SPRED2: variants seen among roughly 807,000 people sequenced by gnomAD.
SPRED2 encodes sprouty-related, EVH1 domain-containing protein 2.
Under a neutral mutation model 43.0 loss-of-function variants are expected in SPRED2, and 47 were observed. The ratio of observed to expected loss-of-function variants is 1.09; its 90% CI spans 0.87 to 1.40. SPRED2 has a LOEUF of 1.40. SPRED2 is among the 40% of genes most tolerant of loss of function. The probability of loss-of-function intolerance (pLI) is 0.00; values close to 1 mark genes in which losing one functional copy is unlikely to be tolerated. For missense variants in SPRED2, 561 were observed against 586.4 expected, an observed-to-expected ratio of 0.96 and a Z score of 0.45; for synonymous variants, 225 against 225.7, an observed-to-expected ratio of 1.00 and a Z score of 0.03.
chr2:65,312,076 C>T lies in SPRED2; in HGVS notation c.*1425G>A. The T allele has an allele frequency of 1.0e-6, 1 of 985,436 alleles. No homozygotes were observed. The highest frequency in any genetic ancestry group is 1.2e-6 in the Non-Finnish European group (1 of 829,934). 61.0% of individuals were successfully genotyped at this position (985,436 alleles called of 1,614,324 possible). A position where few individuals can be genotyped will look rare whatever the true frequency, so the allele number is the denominator to read the frequency against. ...ACTATGCTAGGTATAGGTAACCACT[C>T]TTCACTTTTCTTCTTTCTTCAATAA... is the stretch of plus-strand genomic sequence containing the variant. On this transcript the variant is annotated 3_prime_UTR_variant, in exon 6 of 6. Coordinates refer to ENST00000356388, the MANE Select transcript of SPRED2 (RefSeq NM_181784.3).
chr2:65,366,503 TA>T (rs1463374577), intron 1 of SPRED2: 7 of 1,419,142 alleles, frequency 4.9e-6, no homozygotes, highest in Non-Finnish European at 6.8e-6. Flanking sequence ...TTTTCTCCTT[TA>T]AAAAAATGCT....
intron 1 of SPRED2, among the ~76,000 whole-genome samples, chr2:65,365,954 C>T (rs2104328501): frequency 6.6e-6 from 1 of 152,072 alleles, no homozygotes; most frequent in Admixed American, 6.6e-5. Context: ...ATGTTGCTAC[C>T]AAATCCCCAC....
rs535386043 is a variant in SPRED2 at position 65,366,629 on chromosome 2, A to C, written c.27-21733T>G. 14 of 1,552,768 alleles carry C rather than the reference A, an allele frequency of 9.0e-6. No individual in the cohort carries two copies. The Admixed American group carries it at 1.6e-4, about 17-fold the overall frequency. ...CATTTCCTCTACATTGTGGAGCCCG[A>C]GTGCTGGGTATTAGCATTATTGCTA... On this transcript the variant is annotated intron_variant, in intron 1 of 5. Coordinates refer to ENST00000356388, the MANE Select transcript of SPRED2 (RefSeq NM_181784.3).
chr2:65,431,842 C>T (rs1676703769), intron 1 of SPRED2, 120 bp downstream of exon 1: 2 of 1,233,330 alleles, frequency 1.6e-6, no homozygotes, highest in African/African-American at 3.0e-5. Context: ...GCCGAAAGGT[C>T]AGCGAGTCGC....
chr2:65,393,258 C>G (rs563475741), intron 1 of SPRED2, among the ~76,000 whole-genome samples: 3 of 152,144 alleles, frequency 2.0e-5, no homozygotes, highest in Non-Finnish European at 2.9e-5. Flanking sequence ...GCCTCTACTC[C>G]CTTCCCCAAA....
At chr2:65,397,925 A>G (rs139371359) in intron 1 of SPRED2, among the ~76,000 whole-genome samples, 1 of 152,374 alleles carries the variant, frequency 6.6e-6, no homozygotes, top group African/African-American at 2.4e-5. Context: ...GAGCCTGCAT[A>G]GCCTAAGCAA....
Position 65,311,221 on chromosome 2 carries a change from A to G in SPRED2, c.*2280T>C. ...GTCAGTATGGCAAAGCTGACTGGGA[A>G]AATACTACACACTGTTCAGCTGCAG... On this transcript the variant is annotated 3_prime_UTR_variant, in exon 6 of 6. Transcript: ENST00000356388. 2.0e-6 allele frequency: 2 copies of G among 985,894 alleles called. No individual in the cohort carries two copies. Among genetic ancestry groups the G allele is most frequent in the Non-Finnish European group, 2.4e-6 (2 of 829,944 alleles). 61.1% of individuals were successfully genotyped at this position (985,894 alleles called of 1,614,324 possible).
chr2:65,339,826 TTGAG>T (rs1674129204), intron 2 of SPRED2, among the ~76,000 whole-genome samples: 2 of 152,024 alleles, frequency 1.3e-5, no homozygotes, highest in South Asian at 4.2e-4. Context: ...TTCCACATGG[TTGAG>T]TTTTAGTGTA....
At chr2:65,335,817 C>T (rs1322442394) in intron 2 of SPRED2, among the ~76,000 whole-genome samples, 1 of 152,108 alleles carries the variant, frequency 6.6e-6, no homozygotes, top group Non-Finnish European at 1.5e-5. Context: ...AAACTTCATT[C>T]TTTATTCATT....
At chr2:65,389,401 G>T (rs1413511436) in intron 1 of SPRED2, among the ~76,000 whole-genome samples, 1 of 152,138 alleles carries the variant, frequency 6.6e-6, no homozygotes, top group Admixed American at 6.5e-5. Context: ...TGTGTTGGGG[G>T]AGGAAGGAGG....
At chr2:65,338,920 C>CT in intron 2 of SPRED2, among the ~76,000 whole-genome samples, 1 of 152,272 alleles carries the variant, frequency 6.6e-6, no homozygotes, top group East Asian at 1.9e-4. Context: ...AGCCCATCGT[C>CT]TGAGATGTGG....
chr2:65,395,850 G>C (rs964914559), intron 1 of SPRED2, among the ~76,000 whole-genome samples: 1 of 152,174 alleles, frequency 6.6e-6, no homozygotes, highest in Non-Finnish European at 1.5e-5. Context: ...ATTGCTCCCT[G>C]CTGCTTACAG....
chr2:65,327,670 G>A (rs1206972436), intron 4 of SPRED2, among the ~76,000 whole-genome samples: 1 of 151,506 alleles, frequency 6.6e-6, no homozygotes, highest in African/African-American at 2.4e-5. Flanking sequence ...AAAACGTGGA[G>A]GGCTGCCCTC....
At chr2:65,339,658 C>T (rs1410097561) in intron 2 of SPRED2, among the ~76,000 whole-genome samples, 1 of 150,084 alleles carries the variant, frequency 6.7e-6, no homozygotes, top group African/African-American at 2.5e-5. Context: ...TGTCCTATGA[C>T]CCTGCCAAAT....
At chr2:65,349,219 G>T (rs1013362311) in intron 1 of SPRED2, among the ~76,000 whole-genome samples, 1 of 141,104 alleles carries the variant, frequency 7.1e-6, no homozygotes, top group Non-Finnish European at 1.5e-5. Context: ...TGAGGCAGGA[G>T]AATTGCTTGA....
At chr2:65,408,532 T>G (rs1368881696) in intron 1 of SPRED2, among the ~76,000 whole-genome samples, 1 of 152,206 alleles carries the variant, frequency 6.6e-6, no homozygotes, top group East Asian at 1.9e-4. Flanking sequence ...AATGTCTGTA[T>G]GTATAATCCC....
At position 65,384,601 on chromosome 2, in the gene SPRED2, C is replaced by T. The variant is rs2103659572; in HGVS notation, c.27-39705G>A. ...ATAGGGTGCAGGCCCGTGAGGCCAG[C>T]CCCTTCCCCACACCTCCCTTAGACC... On this transcript the variant is annotated intron_variant, in intron 1 of 5. Transcript: ENST00000356388. Among the ~76,000 whole-genome samples, 2 of 152,290 alleles carry T rather than the reference C, an allele frequency of 1.3e-5. 1 individual carries two copies. Among genetic ancestry groups the T allele is most frequent in the Non-Finnish European group, 2.9e-5 (2 of 68,020 alleles).
At chr2:65,427,541 A>G (rs1429191704) in intron 1 of SPRED2, among the ~76,000 whole-genome samples, 1 of 152,242 alleles carries the variant, frequency 6.6e-6, no homozygotes, top group African/African-American at 2.4e-5. Flanking sequence ...TATTTCAGTT[A>G]ACATAGATCT....
At chr2:65,429,831 G>A (rs1676637446) in intron 1 of SPRED2, among the ~76,000 whole-genome samples, 1 of 152,180 alleles carries the variant, frequency 6.6e-6, no homozygotes, top group Non-Finnish European at 1.5e-5. Context: ...CTCTCAACTG[G>A]ACTCGTGACA....
Sources: gnomAD v4.1 joint callset for allele counts (sites outside exome capture counted in the v4.1 genomes callset) on GRCh38, gnomAD v4.1.1 for gene constraint, MANE v1.5 for transcripts, NCBI Gene and HGNC (gene_info 2026-07-23, HGNC 2026-07-21) for gene names.